The following SEMA4F variants were observed in gnomAD, a reference collection of about 807,000 sequenced individuals.
SEMA4F encodes semaphorin-4F.
Under a neutral mutation model 78.4 loss-of-function variants are expected in SEMA4F, and 51 were observed. The ratio of observed to expected loss-of-function variants is 0.65; its 90% CI spans 0.52 to 0.82. SEMA4F has a LOEUF of 0.82. Ranked by LOEUF, SEMA4F falls within the 40% of genes least tolerant of loss-of-function variation. The pLI is 0.00. For synonymous variants in SEMA4F, 418 were observed against 408.7 expected, an observed-to-expected ratio of 1.02 and a Z score of -0.27; for missense variants, 938 against 1,014.4, an observed-to-expected ratio of 0.92 and a Z score of 1.02.
downstream of SEMA4F, among the ~76,000 whole-genome samples, chr2:74,688,302 A>G (rs1685859468): frequency 6.6e-6 from 1 of 152,198 alleles, no homozygotes. Context: ...TCCTTCACTC[A>G]TTGTTCATTT....
chr2:74,669,585 AAACAACAACAAC>A (rs150974049), intron 5 of SEMA4F, among the ~76,000 whole-genome samples: 3 of 151,328 alleles, frequency 2.0e-5, no homozygotes, highest in Non-Finnish European at 4.4e-5. Flanking sequence ...ACTCTGTCTC[AAACAACAACAAC>A]AACAACAACA....
chr2:74,686,115 T>G (rs1293740693), downstream of SEMA4F, among the ~76,000 whole-genome samples: 1 of 152,020 alleles, frequency 6.6e-6, no homozygotes, highest in Non-Finnish European at 1.5e-5. Flanking sequence ...CTTTTTTTTT[T>G]TTGAGACAGA....
intron 5 of SEMA4F, among the ~76,000 whole-genome samples, chr2:74,669,635 CAAAA>C (rs1403136373): frequency 3.9e-5 from 6 of 152,078 alleles, no homozygotes; most frequent in Middle Eastern, 3.4e-3. Flanking sequence ...AGGTAACAAA[CAAAA>C]AACGAATGAA....
At chr2:74,663,628 T>C (rs747070430) in intron 5 of SEMA4F, among the ~76,000 whole-genome samples, 20 of 152,052 alleles carry the variant, frequency 1.3e-4, no homozygotes, top group Non-Finnish European at 2.5e-4. Flanking sequence ...GTGTGTCACA[T>C]AGTGAGAGAG....
chr2:74,675,081 A>AT, intron 9 of SEMA4F, 46 bp downstream of exon 9: 1 of 1,613,708 alleles, frequency 6.2e-7, no homozygotes, highest in Non-Finnish European at 8.5e-7. Flanking sequence ...AAGAGCTGCT[A>AT]TTAAGGCAAG....
At chr2:74,693,724 G>C in the SEMA4F span, among the ~76,000 whole-genome samples, 2 of 152,172 alleles carry the variant, frequency 1.3e-5, no homozygotes, top group Admixed American at 1.3e-4. Context: ...TTTATAACCT[G>C]TGCTATACCT....
chr2:74,706,228 T>C, the SEMA4F span, among the ~76,000 whole-genome samples: 282 of 152,334 alleles, frequency 1.9e-3, 1 homozygote, highest in African/African-American at 6.4e-3. Flanking sequence ...ATAAGGGAAC[T>C]GAGGCTCATA....
chr2:74,666,294 T>G (rs990291805), intron 5 of SEMA4F, among the ~76,000 whole-genome samples: 2 of 152,228 alleles, frequency 1.3e-5, no homozygotes, highest in African/African-American at 2.4e-5. Context: ...GAATGTGGTT[T>G]AAGAATACAA....
chr2:74,676,820 G>A (rs1222547879), intron 12 of SEMA4F, among the ~76,000 whole-genome samples: 1 of 152,086 alleles, frequency 6.6e-6, no homozygotes. Context: ...CATATGTCAC[G>A]TTGAAGCAAA....
Position 74,662,963 on chromosome 2 carries a change from C to T in SEMA4F, c.550+138C>T. 5.3e-6 allele frequency: 4 copies of T among 760,706 alleles called. 1 individual carries two copies. The South Asian group carries it at 6.5e-5, about 12-fold the overall frequency. The allele number at this position is 760,706 out of a possible 1,614,324, so 47.1% of individuals were successfully genotyped here. On this transcript the variant is annotated intron_variant, in intron 5 of 13. Coordinates refer to ENST00000357877, the MANE Select transcript of SEMA4F (RefSeq NM_004263.5). Reference sequence around the variant, plus strand: ...TCTCTTTTTAGCCTTTCCTGTTCTTCCCTGAGTGCCTGTGTAACCACCTGC... The same window carrying T: ...TCTCTTTTTAGCCTTTCCTGTTCTTTCCTGAGTGCCTGTGTAACCACCTGC...
Position 74,674,578 on chromosome 2 carries a change from G to A in SEMA4F, c.903G>A (p.Glu301=), listed in dbSNP as rs149579506. The A allele has an allele frequency of 1.8e-3, 2,926 of 1,614,162 alleles. 9 individuals are homozygous for A. Among genetic ancestry groups the A allele is most frequent in the Non-Finnish European group, 2.1e-3 (2,485 of 1,180,024 alleles). ...LKADLLCPGP[E]HGRASSVLQD... Reference sequence around the variant, plus strand: ...CTGACCTGCTCTGTCCAGGGCCTGAGCATGGCCGGGCCTCCAGTGTCCTGC... The same window carrying A: ...CTGACCTGCTCTGTCCAGGGCCTGAACATGGCCGGGCCTCCAGTGTCCTGC... Residue 301 remains glutamate, a synonymous_variant, in exon 8 of 14, where the codon GAG becomes GAA. Coordinates refer to ENST00000357877, the MANE Select transcript of SEMA4F (RefSeq NM_004263.5).
At chr2:74,706,911 G>A in the SEMA4F span, among the ~76,000 whole-genome samples, 1 of 152,108 alleles carries the variant, frequency 6.6e-6, no homozygotes, top group Non-Finnish European at 1.5e-5. Context: ...GCAGGGATTA[G>A]GTAGTAGGCT....
chr2:74,680,215 G>A lies in SEMA4F; in HGVS notation c.*6G>A. 1.3e-6 allele frequency: 2 copies of A among 1,553,546 alleles called. No individual in the cohort carries two copies. Among genetic ancestry groups the A allele is most frequent in the African/African-American group, 1.4e-5 (1 of 73,548 alleles). Reference sequence around the variant, plus strand: ...GTGATGAAACATCCATCTAGAGCTGGGCAAATGACCACTAGTGTATAAGTG... The same window carrying A: ...GTGATGAAACATCCATCTAGAGCTGAGCAAATGACCACTAGTGTATAAGTG... On this transcript the variant is annotated 3_prime_UTR_variant, in exon 14 of 14. Coordinates refer to ENST00000357877, the MANE Select transcript of SEMA4F (RefSeq NM_004263.5).
At position 74,682,581 on chromosome 2, in the gene SEMA4F, C is replaced by G. The variant is rs565535653; in HGVS notation, c.*2372C>G. The G allele has an allele frequency of 3.3e-5, 5 of 152,370 alleles. No homozygotes were observed. The highest frequency in any genetic ancestry group is 2.1e-4 in the South Asian group (1 of 4,826). 9.4% of individuals were successfully genotyped at this position (152,370 alleles called of 1,614,324 possible). A position where few individuals can be genotyped will look rare whatever the true frequency, so the allele number is the denominator to read the frequency against. ...GCAGATCTATGATTTTTGTAATCCT[C>G]AGACCTGTCTGACCTTAGTGGCCTG... On this transcript the variant is annotated 3_prime_UTR_variant, in exon 14 of 14. Coordinates refer to ENST00000357877, the MANE Select transcript of SEMA4F (RefSeq NM_004263.5).
the SEMA4F span, among the ~76,000 whole-genome samples, chr2:74,693,952 TTAAAG>T: frequency 1.3e-4 from 20 of 152,188 alleles, no homozygotes; most frequent in Non-Finnish European, 2.4e-4. Flanking sequence ...TGGATATACT[TTAAAG>T]TAAATTCTCA....
At chr2:74,661,355 G>A (rs1558720204) in intron 4 of SEMA4F, among the ~76,000 whole-genome samples, 1 of 152,198 alleles carries the variant, frequency 6.6e-6, no homozygotes, top group African/African-American at 2.4e-5. Context: ...TGCACAAAAA[G>A]TTATTATTAA....
At chr2:74,703,615 G>A in the SEMA4F span, among the ~76,000 whole-genome samples, 1 of 152,208 alleles carries the variant, frequency 6.6e-6, no homozygotes. Context: ...TACCGTAACG[G>A]GCATAGAAAA....
At chr2:74,665,291 G>A (rs867582620) in intron 5 of SEMA4F, among the ~76,000 whole-genome samples, 2 of 147,728 alleles carry the variant, frequency 1.4e-5, no homozygotes, top group Non-Finnish European at 3.0e-5. Flanking sequence ...GTGCAGTGGC[G>A]CAATCTCCAC....
In SEMA4F at chr2:74,654,269, T is replaced by C. The variant is rs1683987939; in HGVS notation, c.-108T>C. 7.8e-7 allele frequency: 1 copy of C among 1,288,278 alleles called. No individual in the cohort carries two copies. Among genetic ancestry groups the C allele is most frequent in the Admixed American group, 4.0e-5 (1 of 24,794 alleles). 79.8% of individuals were successfully genotyped at this position (1,288,278 alleles called of 1,614,324 possible). ...GGTGTTTCATCCCTCAGCCTCAGGC[T>C]GAGCCGGACCGAGCCGAGAGGACCC... is the stretch of plus-strand genomic sequence containing the variant. On this transcript the variant is annotated 5_prime_UTR_variant, in exon 1 of 14. Transcript: ENST00000357877.
Sources: gnomAD v4.1 joint callset for allele counts (sites outside exome capture counted in the v4.1 genomes callset) on GRCh38, gnomAD v4.1.1 for gene constraint, MANE v1.5 for transcripts, NCBI Gene and HGNC (gene_info 2026-07-23, HGNC 2026-07-21) for gene names.